Variants in MACROD2 observed in about 807,000 individuals in gnomAD.
MACROD2 encodes mono-ADP ribosylhydrolase 2.
A neutral mutation model predicts 70.4 loss-of-function variants in MACROD2; 36 were observed. That is an observed-to-expected ratio of 0.51 (90% confidence interval 0.39 to 0.68). The LOEUF (loss-of-function observed/expected upper bound fraction) is 0.68. MACROD2 is among the 30% of genes least tolerant of loss of function. The pLI is 0.00. For missense variants in MACROD2, 496 were observed against 538.4 expected, an observed-to-expected ratio of 0.92 and a Z score of 0.78; for synonymous variants, 172 against 178.8, an observed-to-expected ratio of 0.96 and a Z score of 0.30.
chr20:15,908,842 G>T (rs175780), intron 10 of MACROD2, among the ~76,000 whole-genome samples: 151,728 of 152,334 alleles, frequency 1, 75,563 homozygotes, highest in Middle Eastern at 1. Context: ...CATTTCTCTT[G>T]CTTAGCTTTC....
At chr20:14,651,883 G>A (rs1266190797) in intron 4 of MACROD2, among the ~76,000 whole-genome samples, 1 of 152,182 alleles carries the variant, frequency 6.6e-6, no homozygotes, top group Admixed American at 6.5e-5. Flanking sequence ...CTGAGGCAGT[G>A]TCTCACCTAG....
intron 13 of MACROD2, among the ~76,000 whole-genome samples, chr20:15,978,617 GTTCT>G (rs2066349017): frequency 8.7e-6 from 1 of 114,700 alleles, no homozygotes; most frequent in Admixed American, 8.9e-5. Flanking sequence ...TCTCTCTCTC[GTTCT>G]TTCTCTCAGC....
rs1274508254 is a variant in MACROD2 at position 14,605,430 on chromosome 20, G to C, written c.302-79413G>C. Among the ~76,000 whole-genome samples the C allele has an allele frequency of 2.0e-5, 3 of 152,006 alleles. No homozygotes were observed. In the South Asian group the frequency reaches 6.2e-4, roughly 32 times the overall value. ...TTTTTATAAGGACATCAGTCATATT[G>C]GATTAGGACCCATTCTAATGACCTC... On this transcript the variant is annotated intron_variant, in intron 4 of 17. Transcript: ENST00000684519.
intron 8 of MACROD2, among the ~76,000 whole-genome samples, chr20:15,537,019 T>C (rs1169325448): frequency 1.3e-5 from 2 of 152,186 alleles, no homozygotes; most frequent in Non-Finnish European, 2.9e-5. Context: ...AGGCCACTGA[T>C]ATGGTTTGGC....
At chr20:15,293,740 G>C (rs1051758747) in intron 6 of MACROD2, among the ~76,000 whole-genome samples, 2 of 152,152 alleles carry the variant, frequency 1.3e-5, no homozygotes, top group African/African-American at 4.8e-5. Context: ...AAACAACATG[G>C]AGGCCAAGAG....
intron 5 of MACROD2, among the ~76,000 whole-genome samples, chr20:14,927,692 G>C (rs1381803337): frequency 6.6e-6 from 1 of 152,176 alleles, no homozygotes; most frequent in Non-Finnish European, 1.5e-5. Flanking sequence ...AGCTAGAAGG[G>C]TGTTGGAATA....
At chr20:16,028,932 G>A (rs1009355829) in intron 15 of MACROD2, among the ~76,000 whole-genome samples, 7 of 152,258 alleles carry the variant, frequency 4.6e-5, no homozygotes, top group South Asian at 4.2e-4. Context: ...CCATCTGCTC[G>A]GCTGCCATAA....
chr20:14,956,472 T>A (rs907884849), intron 5 of MACROD2, among the ~76,000 whole-genome samples: 1 of 152,162 alleles, frequency 6.6e-6, no homozygotes, highest in Non-Finnish European at 1.5e-5. Context: ...CCTTAGAATT[T>A]TTTTCTTGTC....
chr20:15,581,025 G>A (rs2048516615), intron 8 of MACROD2, among the ~76,000 whole-genome samples: 1 of 152,174 alleles, frequency 6.6e-6, no homozygotes, highest in Non-Finnish European at 1.5e-5. Context: ...ACAAACTCAG[G>A]GAAGGGACCA....
rs80325109 is a variant in MACROD2 at position 15,608,244 on chromosome 20, G to A, written c.645+108397G>A. On this transcript the variant is annotated intron_variant, in intron 8 of 17. Coordinates refer to ENST00000684519, the MANE Select transcript of MACROD2 (RefSeq NM_001351661.2). ...TCTGTGATTAAAATATTTTTCAAAC[G>A]TGCACTCTCTCCCTGTCACCTCCAT... Among the ~76,000 whole-genome samples the A allele has an allele frequency of 9.1e-3, 1,382 of 152,202 alleles. 19 individuals are homozygous for A. Among genetic ancestry groups the A allele is most frequent in the African/African-American group, 0.03 (1,263 of 41,536 alleles).
At chr20:15,651,335 A>G (rs2049640028) in intron 8 of MACROD2, among the ~76,000 whole-genome samples, 1 of 152,174 alleles carries the variant, frequency 6.6e-6, no homozygotes. Flanking sequence ...ATAGGCATTT[A>G]TTATTTAGTT....
At chr20:14,219,069 G>C (rs1421295823) in intron 3 of MACROD2, among the ~76,000 whole-genome samples, 3 of 152,130 alleles carry the variant, frequency 2.0e-5, no homozygotes, top group Admixed American at 2.0e-4. Flanking sequence ...CATGTGTTTG[G>C]ATGTCTAGGT....
intron 5 of MACROD2, among the ~76,000 whole-genome samples, chr20:14,831,886 G>A (rs7265050): frequency 0.022 from 3,205 of 148,296 alleles, 167 homozygotes; most frequent in African/African-American, 0.078. Flanking sequence ...TGTTGTTGCT[G>A]TTGTGTAAGC....
intron 5 of MACROD2, among the ~76,000 whole-genome samples, chr20:15,126,602 C>T (rs1035239310): frequency 8.6e-5 from 13 of 151,968 alleles, no homozygotes; most frequent in African/African-American, 3.1e-4. Context: ...TGAAATAGCT[C>T]AAAGTCTACT....
intron 5 of MACROD2, chr20:14,935,125 T>TCACACACACACA (rs112374854): frequency 1.1e-4 from 16 of 149,570 alleles, no homozygotes; most frequent in South Asian, 1.1e-3. Context: ...ATCCTATATT[T>TCACACACACACA]CACACACACA....
chr20:15,212,846 A>T (rs2076775998), intron 5 of MACROD2, among the ~76,000 whole-genome samples: 1 of 152,192 alleles, frequency 6.6e-6, no homozygotes, highest in African/African-American at 2.4e-5. Flanking sequence ...AGCATCTGGG[A>T]ACTTGTTAAA....
intron 8 of MACROD2, among the ~76,000 whole-genome samples, chr20:15,741,190 C>A (rs1021951751): frequency 6.7e-6 from 1 of 148,710 alleles, no homozygotes; most frequent in Non-Finnish European, 1.5e-5. Flanking sequence ...CTCTCAGGTT[C>A]AAGTGATTTC....
intron 4 of MACROD2, among the ~76,000 whole-genome samples, chr20:14,626,559 TG>T (rs1984178801): frequency 6.6e-6 from 1 of 152,178 alleles, no homozygotes; most frequent in Non-Finnish European, 1.5e-5. Flanking sequence ...CTAGAATTCC[TG>T]GTTCTAACAC....
At chr20:15,507,488 T>C (rs973017208) in intron 8 of MACROD2, among the ~76,000 whole-genome samples, 2 of 151,872 alleles carry the variant, frequency 1.3e-5, no homozygotes, top group Non-Finnish European at 2.9e-5. Context: ...TTCTTTTTTC[T>C]TTCTTTTCTT....
Sources: gnomAD v4.1 joint callset for allele counts (sites outside exome capture counted in the v4.1 genomes callset) on GRCh38, gnomAD v4.1.1 for gene constraint, MANE v1.5 for transcripts, NCBI Gene and HGNC (gene_info 2026-07-23, HGNC 2026-07-21) for gene names.